KCNQ5: variants seen among roughly 807,000 people sequenced by gnomAD.
KCNQ5 encodes the protein potassium voltage-gated channel subfamily KQT member 5.
In KCNQ5, 30 loss-of-function variants were observed where a neutral mutation model predicts 98.2. The observed-to-expected ratio is 0.31, with a 90% CI of 0.23 to 0.41. The LOEUF is 0.41. KCNQ5 is among the 10% of genes least tolerant of loss of function. The probability of loss-of-function intolerance (pLI) is 1.00; values close to 1 mark genes in which losing one functional copy is unlikely to be tolerated. For missense variants in KCNQ5, 835 were observed against 1,182.5 expected (o/e 0.71, Z 4.31); for synonymous variants, 458 against 449.4 (o/e 1.02, Z -0.24).
At chr6:72,987,959 C>G (rs552260959) in intron 1 of KCNQ5, among the ~76,000 whole-genome samples, 1 of 152,278 alleles carries the variant, frequency 6.6e-6, no homozygotes, top group East Asian at 1.9e-4. Context: ...AGCCATCTGA[C>G]AGTTGGCTCA....
chr6:72,815,225 AC>A (rs1168956556), intron 1 of KCNQ5, among the ~76,000 whole-genome samples: 1 of 152,194 alleles, frequency 6.6e-6, no homozygotes, highest in Non-Finnish European at 1.5e-5. Flanking sequence ...TCAGAACCTA[AC>A]ACACGCCTGG....
intron 1 of KCNQ5, among the ~76,000 whole-genome samples, chr6:72,924,595 C>T (rs1430426791): frequency 6.6e-6 from 1 of 152,198 alleles, no homozygotes; most frequent in Non-Finnish European, 1.5e-5. Flanking sequence ...TATTCATGCT[C>T]AGAGCTCTCA....
intron 1 of KCNQ5, among the ~76,000 whole-genome samples, chr6:72,948,621 A>G (rs9341391): frequency 0.51 from 77,851 of 151,930 alleles, 22,294 homozygotes; most frequent in Non-Finnish European, 0.64. Context: ...CAAGTAATGT[A>G]TGTTTTATAT....
At chr6:72,861,053 G>C (rs141965600) in intron 1 of KCNQ5, among the ~76,000 whole-genome samples, 4 of 152,172 alleles carry the variant, frequency 2.6e-5, no homozygotes, top group South Asian at 2.1e-4. Flanking sequence ...TATTTTTTAA[G>C]ATAGCAATGT....
intron 1 of KCNQ5, among the ~76,000 whole-genome samples, chr6:72,876,744 A>G (rs1235472467): frequency 6.6e-6 from 1 of 152,244 alleles, no homozygotes; most frequent in Non-Finnish European, 1.5e-5. Context: ...CATACTATCA[A>G]GAGTTAAAAT....
At chr6:72,659,957 ATCT>A (rs1395433476) in intron 1 of KCNQ5, among the ~76,000 whole-genome samples, 1 of 152,066 alleles carries the variant, frequency 6.6e-6, no homozygotes, top group African/African-American at 2.4e-5. Flanking sequence ...CTCCACTTTC[ATCT>A]TAGTAGTTTC....
chr6:72,897,759 G>A (rs1384160896), intron 1 of KCNQ5, among the ~76,000 whole-genome samples: 1 of 152,198 alleles, frequency 6.6e-6, no homozygotes, highest in Non-Finnish European at 1.5e-5. Context: ...AAGTAAGGAA[G>A]GGAGGACCAC....
intron 6 of KCNQ5, among the ~76,000 whole-genome samples, chr6:73,107,300 C>T (rs1775043609): frequency 6.6e-6 from 1 of 152,200 alleles, no homozygotes; most frequent in South Asian, 2.1e-4. Flanking sequence ...TAATTCATAA[C>T]CTAGTCTTCA....
intron 3 of KCNQ5, among the ~76,000 whole-genome samples, chr6:73,068,429 T>A (rs915733014): frequency 6.6e-6 from 1 of 152,230 alleles, no homozygotes. Flanking sequence ...TAAGACATAA[T>A]GTTTTGTGGC....
At chr6:72,787,727 T>A (rs1207990802) in intron 1 of KCNQ5, among the ~76,000 whole-genome samples, 3 of 152,290 alleles carry the variant, frequency 2.0e-5, no homozygotes, top group Non-Finnish European at 4.4e-5. Context: ...TTCTTCTGAG[T>A]CAGCACTCAT....
intron 1 of KCNQ5, among the ~76,000 whole-genome samples, chr6:72,910,563 G>GGTGT (rs963735270): frequency 9.3e-5 from 4 of 43,074 alleles, no homozygotes; most frequent in East Asian, 9.6e-4. Flanking sequence ...AAGGTAGGGG[G>GGTGT]GTGTGTGTGT....
chr6:72,809,570 C>T (rs1197842909), intron 1 of KCNQ5, among the ~76,000 whole-genome samples: 2 of 151,898 alleles, frequency 1.3e-5, no homozygotes, highest in African/African-American at 4.8e-5. Flanking sequence ...AAAAATGACA[C>T]CACATTTTTT....
intron 11 of KCNQ5, among the ~76,000 whole-genome samples, chr6:73,170,095 T>A (rs914455897): frequency 5.3e-5 from 8 of 152,220 alleles, no homozygotes; most frequent in African/African-American, 1.9e-4. Flanking sequence ...ATTAGAGAGA[T>A]TACACGAGTC....
chr6:72,973,113 C>CA (rs1370423810), intron 1 of KCNQ5, among the ~76,000 whole-genome samples: 1 of 152,112 alleles, frequency 6.6e-6, no homozygotes, highest in Admixed American at 6.6e-5. Flanking sequence ...ACTGATGTCC[C>CA]AAATGGGTTG....
At chr6:72,751,554 C>A (rs1771686151) in intron 1 of KCNQ5, among the ~76,000 whole-genome samples, 1 of 151,996 alleles carries the variant, frequency 6.6e-6, no homozygotes, top group Non-Finnish European at 1.5e-5. Context: ...CTTGAAACTG[C>A]CATTTTCAAA....
chr6:73,188,333 G>T (rs1390286270), intron 11 of KCNQ5, among the ~76,000 whole-genome samples: 2 of 152,190 alleles, frequency 1.3e-5, no homozygotes, highest in African/African-American at 4.8e-5. Context: ...GACATACAAA[G>T]TACTTCACAT....
intron 7 of KCNQ5, among the ~76,000 whole-genome samples, chr6:73,119,574 C>T (rs4708035): frequency 0.96 from 145,928 of 152,340 alleles, 69,889 homozygotes; most frequent in South Asian, 0.99. Flanking sequence ...TTTCCCCATC[C>T]TGTTTTAGTT....
chr6:72,939,651 T>G (rs1022947360), intron 1 of KCNQ5, among the ~76,000 whole-genome samples: 1 of 152,184 alleles, frequency 6.6e-6, no homozygotes, highest in African/African-American at 2.4e-5. Context: ...CCGCACTGAT[T>G]AATTTATGCA....
At chr6:73,062,797 C>T (rs898181823) in intron 3 of KCNQ5, among the ~76,000 whole-genome samples, 2 of 152,132 alleles carry the variant, frequency 1.3e-5, no homozygotes, top group Non-Finnish European at 1.5e-5. Context: ...GGCTTGTCTA[C>T]TCCCATATTG....
Sources: allele counts gnomAD v4.1 joint callset (sites outside exome capture counted in the v4.1 genomes callset), GRCh38; gene constraint gnomAD v4.1.1; transcripts MANE v1.5; gene names NCBI Gene and HGNC (gene_info 2026-07-23, HGNC 2026-07-21).